SORBS2: variants seen among roughly 807,000 people sequenced by gnomAD.
SORBS2 encodes sorbin and SH3 domain containing 2.
A neutral mutation model predicts 97.7 loss-of-function variants in SORBS2; 46 were observed. The ratio of observed to expected loss-of-function variants is 0.47; its 90% CI spans 0.37 to 0.60. The LOEUF (loss-of-function observed/expected upper bound fraction) is 0.60. SORBS2 is among the 20% of genes least tolerant of loss of function. The pLI, the probability that SORBS2 is intolerant of heterozygous loss-of-function variation, is 0.00. For synonymous variants in SORBS2, 476 were observed against 473.4 expected, an observed-to-expected ratio of 1.01 and a Z score of -0.07; for missense variants, 1,316 against 1,282.3, an observed-to-expected ratio of 1.03 and a Z score of -0.40.
intron 4 of SORBS2, among the ~76,000 whole-genome samples, chr4:185,673,196 G>T (rs1282039327): frequency 5.3e-5 from 8 of 152,126 alleles, no homozygotes; most frequent in Admixed American, 2.6e-4. Flanking sequence ...CTATTCGGTG[G>T]GCATAAAGTT....
At chr4:185,658,536 A>T (rs1277926182), upstream of SORBS2, among the ~76,000 whole-genome samples, 3 of 152,082 alleles carry the variant, frequency 2.0e-5, no homozygotes, top group Non-Finnish European at 2.9e-5. Flanking sequence ...TCTTTATATC[A>T]TGGTTTGTCA....
intron 1 of SORBS2, among the ~76,000 whole-genome samples, chr4:185,838,588 G>C (rs1037549375): frequency 6.6e-6 from 1 of 152,210 alleles, no homozygotes; most frequent in African/African-American, 2.4e-5. Context: ...CCGCCCAAAA[G>C]CTCTTGAGAA....
At chr4:185,797,087 C>T (rs367573212) in intron 1 of SORBS2, among the ~76,000 whole-genome samples, 7 of 152,252 alleles carry the variant, frequency 4.6e-5, no homozygotes, top group East Asian at 3.8e-4. Context: ...CCACAAGCCA[C>T]GGGTACCCCC....
At chr4:185,653,394 G>C (rs1237420342) in intron 1 of SORBS2, among the ~76,000 whole-genome samples, 1 of 152,200 alleles carries the variant, frequency 6.6e-6, no homozygotes, top group Non-Finnish European at 1.5e-5. Context: ...CCAGGCGTCG[G>C]ACATGAGGGG....
chr4:185,796,520 G>A (rs979244560), intron 1 of SORBS2, among the ~76,000 whole-genome samples: 2 of 135,882 alleles, frequency 1.5e-5, no homozygotes, highest in Non-Finnish European at 3.1e-5. Context: ...CTGTGGCCAC[G>A]CTGTTCCCTG....
chr4:185,666,022 C>A, intron 4 of SORBS2: 1 of 1,289,252 alleles, frequency 7.8e-7, no homozygotes, highest in Non-Finnish European at 1.0e-6. Context: ...GCGTGAAGAC[C>A]CCACACCATC....
Position 185,814,577 on chromosome 4 carries a change from C to CAAAT in SORBS2, c.-337-39215_-337-39212dup, listed in dbSNP as rs553799558. 9.0e-3 allele frequency among the ~76,000 whole-genome samples: 1,321 copies of CAAAT among 147,208 alleles called. 15 individuals are homozygous for CAAAT. The highest frequency in any genetic ancestry group is 0.028 in the African/African-American group (1,119 of 39,844). On this transcript the variant is annotated intron_variant, in intron 1 of 20. Coordinates refer to the SORBS2 transcript ENST00000284776. ...CAAAACAAACAAACAAACAAACAAA[C>CAAAT]AAATATCTGAAGTCATTTTCCTTTG...
In SORBS2 at chr4:185,938,143, ACC is replaced by A. The variant is rs577209506; in HGVS notation, c.-338+18051_-338+18052del. Among the ~76,000 whole-genome samples, 27 of 150,472 alleles carry A rather than the reference ACC, an allele frequency of 1.8e-4. No individual in the cohort carries two copies. The East Asian group carries it at 2.8e-3, about 15-fold the overall frequency. ...CCTGTGAGTAGCTGGGATTACAGGC[ACC>A]TGCCACCATGTCCAGCTAATTTTTG... On this transcript the variant is annotated intron_variant, in intron 1 of 20. Coordinates refer to the SORBS2 transcript ENST00000284776.
At chr4:185,917,125 T>C (rs985704840) in intron 1 of SORBS2, among the ~76,000 whole-genome samples, 7 of 152,226 alleles carry the variant, frequency 4.6e-5, no homozygotes, top group African/African-American at 1.7e-4. Context: ...GAGAGCTGAA[T>C]ACATGGAGTT....
At chr4:185,766,361 G>A (rs34252130) in intron 2 of SORBS2, among the ~76,000 whole-genome samples, 68,555 of 152,054 alleles carry the variant, frequency 0.45, 15,849 homozygotes, top group South Asian at 0.5. Context: ...GCCATATTGG[G>A]TTTCGGATAG....
intron 1 of SORBS2, among the ~76,000 whole-genome samples, chr4:185,880,369 G>A (rs2099236248): frequency 6.6e-6 from 1 of 152,144 alleles, no homozygotes; most frequent in African/African-American, 2.4e-5. Flanking sequence ...CCTTTGAATT[G>A]TTACATAACT....
At chr4:185,769,855 G>A (rs770276331) in intron 2 of SORBS2, among the ~76,000 whole-genome samples, 6 of 152,158 alleles carry the variant, frequency 3.9e-5, no homozygotes, top group Admixed American at 6.5e-5. Context: ...AATGTGTTTA[G>A]GTAACTGGGC....
At chr4:185,605,956 T>C (rs2096408421) in intron 12 of SORBS2, 1 of 275,556 alleles carries the variant, frequency 3.6e-6, no homozygotes, top group Non-Finnish European at 5.5e-6. Flanking sequence ...AGATTCTTCA[T>C]AACATGAAGA....
intron 1 of SORBS2, among the ~76,000 whole-genome samples, chr4:185,820,625 G>T (rs1431987809): frequency 6.6e-6 from 1 of 152,170 alleles, no homozygotes; most frequent in Non-Finnish European, 1.5e-5. Flanking sequence ...TGCCTGCGGG[G>T]AAGGCCTACG....
Position 185,623,813 on chromosome 4 carries a change from G to T in SORBS2, c.1316C>A (p.Thr439Asn). The change falls in exon 7 of 15, where the codon ACC (threonine) becomes AAC (asparagine). Residue 439 changes from threonine to asparagine, a missense_variant. By Grantham distance (65) the Thr-to-Asn change is moderately conservative. Transcript: ENST00000418609. The surrounding 1 kb of genome is among the most constrained non-coding windows in gnomAD (Gnocchi z 6.4). Reference sequence around the variant, plus strand: ...TAGGCCATTTTGCGGTGGTTCTAGGGTTACGGGAGACAGCATGTCATCCCC... The same window carrying T: ...TAGGCCATTTTGCGGTGGTTCTAGGTTTACGGGAGACAGCATGTCATCCCC... The T allele has an allele frequency of 3.1e-6, 5 of 1,614,158 alleles. No homozygotes were observed. The highest frequency in any genetic ancestry group is 3.4e-6 in the Non-Finnish European group (4 of 1,180,032).
chr4:185,759,687 T>C (rs1466613895), intron 2 of SORBS2, among the ~76,000 whole-genome samples: 4 of 152,170 alleles, frequency 2.6e-5, no homozygotes, highest in Non-Finnish European at 5.9e-5. Flanking sequence ...AGCTGTGGTT[T>C]TGATGAATGC....
chr4:185,735,925 A>G (rs1396157332), intron 2 of SORBS2, among the ~76,000 whole-genome samples: 1 of 152,236 alleles, frequency 6.6e-6, no homozygotes, highest in Non-Finnish European at 1.5e-5. Context: ...ATTGCAGCCA[A>G]CATCTACCAT....
chr4:185,820,632 T>G (rs2099196223), intron 1 of SORBS2, among the ~76,000 whole-genome samples: 1 of 152,156 alleles, frequency 6.6e-6, no homozygotes, highest in African/African-American at 2.4e-5. Context: ...GGGGAAGGCC[T>G]ACGGAGGCCT....
At chr4:185,767,311 AC>A (rs1483279986) in intron 2 of SORBS2, among the ~76,000 whole-genome samples, 3 of 84,636 alleles carry the variant, frequency 3.5e-5, no homozygotes, top group Non-Finnish European at 5.4e-5. Context: ...AGCCTGGCTA[AC>A]ACACGGTGAA....
Sources: gnomAD v4.1 joint callset for allele counts (sites outside exome capture counted in the v4.1 genomes callset) on GRCh38, gnomAD v4.1.1 for gene constraint, Gnocchi (gnomAD v3.1) non-coding constraint, MANE v1.5 for transcripts, NCBI Gene and HGNC (gene_info 2026-07-23, HGNC 2026-07-21) for gene names.